Variants in EPHA6 observed in about 807,000 individuals in gnomAD.
EPHA6 encodes EPH receptor A6, also known as ephrin type-A receptor 6.
In EPHA6, 50 loss-of-function variants were observed where a neutral mutation model predicts 112.0. That is an observed-to-expected ratio of 0.45 (90% CI 0.36 to 0.56). The LOEUF (loss-of-function observed/expected upper bound fraction) is 0.56. Among genes scored for constraint, EPHA6 ranks in the 20% least tolerant of loss-of-function variants. The pLI, the probability that EPHA6 is intolerant of heterozygous loss-of-function variation, is 0.00. For synonymous variants in EPHA6, 529 were observed against 490.7 expected (o/e 1.08, Z -1.03); for missense variants, 1,280 against 1,417.4 (o/e 0.90, Z 1.56).
At chr3:97,329,007 C>T (rs2108813094) in intron 5 of EPHA6, among the ~76,000 whole-genome samples, 1 of 152,128 alleles carries the variant, frequency 6.6e-6, no homozygotes, top group Admixed American at 6.6e-5. Context: ...TGATGTTCCC[C>T]TTCCTGTGTC....
At chr3:97,205,258 A>T (rs2077685649) in intron 3 of EPHA6, among the ~76,000 whole-genome samples, 1 of 152,126 alleles carries the variant, frequency 6.6e-6, no homozygotes, top group Admixed American at 6.6e-5. Flanking sequence ...GTAAGATCTA[A>T]ATAGAAAAGT....
At chr3:97,504,887 T>C (rs927963798) in intron 10 of EPHA6, among the ~76,000 whole-genome samples, 2 of 152,220 alleles carry the variant, frequency 1.3e-5, no homozygotes, top group African/African-American at 4.8e-5. Flanking sequence ...TTACATGTAG[T>C]ATAAGTTATC....
At chr3:97,368,413 A>G (rs2084860149) in intron 5 of EPHA6, among the ~76,000 whole-genome samples, 1 of 152,168 alleles carries the variant, frequency 6.6e-6, no homozygotes, top group Non-Finnish European at 1.5e-5. Context: ...GGAATTTGAA[A>G]ATATAAATGC....
chr3:97,421,845 G>A (rs2088666226), intron 6 of EPHA6, among the ~76,000 whole-genome samples: 1 of 151,950 alleles, frequency 6.6e-6, no homozygotes, highest in Non-Finnish European at 1.5e-5. Context: ...GGCAGAAGTG[G>A]CACTGCAGAT....
intron 5 of EPHA6, among the ~76,000 whole-genome samples, chr3:97,307,751 T>A (rs532143819): frequency 1.8e-4 from 27 of 150,852 alleles, no homozygotes; most frequent in South Asian, 1.7e-3. Flanking sequence ...CAAAAAAAAA[T>A]ATATATATAC....
At chr3:97,304,622 C>G (rs536180606) in intron 5 of EPHA6, among the ~76,000 whole-genome samples, 2 of 152,024 alleles carry the variant, frequency 1.3e-5, no homozygotes, top group South Asian at 4.2e-4. Context: ...TTTGATAAAC[C>G]TGACAAAAAC....
At chr3:97,039,743 T>A (rs982921813) in intron 3 of EPHA6, among the ~76,000 whole-genome samples, 4 of 152,048 alleles carry the variant, frequency 2.6e-5, no homozygotes, top group African/African-American at 9.7e-5. Context: ...AACTGACAAT[T>A]GTTTGCCACA....
chr3:97,324,411 T>TTCTTTC (rs2082275865), intron 5 of EPHA6, among the ~76,000 whole-genome samples: 1 of 117,248 alleles, frequency 8.5e-6, no homozygotes. Flanking sequence ...CTTCTTTTCT[T>TTCTTTC]TCTTTCTTTC....
intron 3 of EPHA6, among the ~76,000 whole-genome samples, chr3:97,062,165 A>G (rs9822078): frequency 0.42 from 63,992 of 152,030 alleles, 16,201 homozygotes; most frequent in African/African-American, 0.71. Context: ...TAGTTGTGAT[A>G]TAATATAACA....
At chr3:97,643,320 C>A (rs2094027047) in intron 14 of EPHA6, among the ~76,000 whole-genome samples, 1 of 152,030 alleles carries the variant, frequency 6.6e-6, no homozygotes, top group African/African-American at 2.4e-5. Flanking sequence ...ACAACCGGTA[C>A]CAGCCACTGC....
At chr3:97,583,321 C>T (rs1165743189) in intron 11 of EPHA6, among the ~76,000 whole-genome samples, 3 of 151,822 alleles carry the variant, frequency 2.0e-5, no homozygotes, top group Non-Finnish European at 4.4e-5. Context: ...GGGTGTATCA[C>T]AAAGTCAGGA....
At position 97,293,456 on chromosome 3, in the gene EPHA6, C is replaced by G. The variant is rs191151848; in HGVS notation, c.1606+49169C>G. On this transcript the variant is annotated intron_variant, in intron 5 of 17. Transcript: ENST00000389672. ...AGGTCATCCCAGTGAGCGTCCAGCT[C>G]TCTGTGGAGAGGAGACTCATGGAGG... 9.1e-4 allele frequency among the ~76,000 whole-genome samples: 138 copies of G among 152,372 alleles called. 2 individuals carry two copies. The highest frequency in any genetic ancestry group is 3.1e-3 in the African/African-American group (129 of 41,594).
At chr3:97,099,644 G>A (rs1472444801) in intron 3 of EPHA6, among the ~76,000 whole-genome samples, 1 of 151,856 alleles carries the variant, frequency 6.6e-6, no homozygotes, top group Non-Finnish European at 1.5e-5. Flanking sequence ...GTTGATTAAA[G>A]TAGAATATGC....
intron 14 of EPHA6, among the ~76,000 whole-genome samples, chr3:97,640,342 A>G (rs1040004443): frequency 1.3e-5 from 2 of 152,226 alleles, no homozygotes; most frequent in African/African-American, 4.8e-5. Flanking sequence ...GGAGGGGCCA[A>G]TTTTCCTGGA....
At chr3:97,529,866 T>C (rs1257412817) in intron 10 of EPHA6, among the ~76,000 whole-genome samples, 1 of 151,986 alleles carries the variant, frequency 6.6e-6, no homozygotes, top group Admixed American at 6.6e-5. Flanking sequence ...ATAAGATACA[T>C]GAATTTCAGA....
chr3:97,622,662 A>G (rs1269402590), intron 13 of EPHA6, among the ~76,000 whole-genome samples: 2 of 151,822 alleles, frequency 1.3e-5, no homozygotes, highest in African/African-American at 4.8e-5. Context: ...GGAAACCACC[A>G]TACTGTTTTC....
In EPHA6 at chr3:96,814,886, A is replaced by G; in HGVS notation, c.263A>G (p.Lys88Arg). Residue 88 changes from lysine (K) to arginine (R), a missense_variant, in exon 1 of 18, where the codon AAA (lysine) becomes AGA (arginine). Coordinates refer to ENST00000389672, the MANE Select transcript of EPHA6 (RefSeq NM_001080448.3). ...CGCCACTTCTCTTTAAGGGAGAGGAAAAGAGAGCCTAGGAGAACCATGGGG... is the reference window on the plus strand; with the variant it reads ...CGCCACTTCTCTTTAAGGGAGAGGAGAAGAGAGCCTAGGAGAACCATGGGG... ...RCRHFSLRER[K>R]REPRRTMGGC... 1.9e-6 allele frequency: 3 copies of G among 1,555,350 alleles called. No individual in the cohort carries two copies. The highest frequency in any genetic ancestry group is 2.6e-6 in the Non-Finnish European group (3 of 1,148,852).
At chr3:96,818,813 T>C (rs2033019772) in intron 1 of EPHA6, among the ~76,000 whole-genome samples, 1 of 151,966 alleles carries the variant, frequency 6.6e-6, no homozygotes, top group East Asian at 1.9e-4. Flanking sequence ...AGACCATTCA[T>C]TTAGAAGAAA....
chr3:97,578,169 A>G (rs557435002), intron 11 of EPHA6, among the ~76,000 whole-genome samples: 1 of 152,332 alleles, frequency 6.6e-6, no homozygotes, highest in Admixed American at 6.5e-5. Context: ...TGTAAGTGAC[A>G]GAAAACCCCA....
Sources: allele counts gnomAD v4.1 joint callset (sites outside exome capture counted in the v4.1 genomes callset), GRCh38; gene constraint gnomAD v4.1.1; transcripts MANE v1.5; gene names NCBI Gene and HGNC (gene_info 2026-07-23, HGNC 2026-07-21).